LRRC4C: variants seen among roughly 807,000 people sequenced by gnomAD.
LRRC4C encodes the protein leucine-rich repeat-containing protein 4C.
LRRC4C carries 5 observed loss-of-function variants against 33.6 expected under a neutral mutation model. That is an observed-to-expected ratio of 0.15 (90% CI 0.08 to 0.31). The LOEUF is 0.31. LRRC4C is among the 10% of genes least tolerant of loss of function. The probability of loss-of-function intolerance (pLI) is 1.00; values close to 1 mark genes in which losing one functional copy is unlikely to be tolerated. For synonymous variants in LRRC4C, 329 were observed against 302.0 expected (o/e 1.09, Z -0.93); for missense variants, 560 against 796.7 (o/e 0.70, Z 3.58).
chr11:41,171,165 A>T (rs1944960532), intron 1 of LRRC4C, among the ~76,000 whole-genome samples: 1 of 152,168 alleles, frequency 6.6e-6, no homozygotes, highest in South Asian at 2.1e-4. Context: ...GGGACTGTAA[A>T]CTAGTTCAAC....
intron 4 of LRRC4C, among the ~76,000 whole-genome samples, chr11:40,280,022 T>A (rs1268697216): frequency 1.3e-5 from 2 of 152,190 alleles, no homozygotes; most frequent in Non-Finnish European, 2.9e-5. Context: ...TATCTGTGCA[T>A]ATTTGCAGGG....
rs1432152135 is a variant in LRRC4C at position 41,341,185 on chromosome 11, A to ATCCCACTCTGGATG, written c.-496+118245_-496+118246insCATCCAGAGTGGGA. On this transcript the variant is annotated intron_variant, in intron 1 of 6. Transcript: ENST00000528697. ...GTTAGGTGAGGATGTTACTTAAGAAAACAAGTACCAGAGAAAAAGACTGAT... is the reference window on the plus strand; with the variant it reads ...GTTAGGTGAGGATGTTACTTAAGAAATCCCACTCTGGATGACAAGTACCAGAGAAAAAGACTGAT... Among the ~76,000 whole-genome samples the ATCCCACTCTGGATG allele has an allele frequency of 1.5e-3, 234 of 151,996 alleles. 6 individuals are homozygous for ATCCCACTCTGGATG. Among genetic ancestry groups the ATCCCACTCTGGATG allele is most frequent in the Non-Finnish European group, 4.7e-4 (32 of 67,980 alleles).
At chr11:40,824,514 C>A (rs1457627097) in intron 2 of LRRC4C, among the ~76,000 whole-genome samples, 1 of 151,868 alleles carries the variant, frequency 6.6e-6, no homozygotes, top group South Asian at 2.1e-4. Context: ...TCTGGATTCA[C>A]GTTTCCACTA....
At chr11:40,961,427 A>T (rs1850971434) in intron 1 of LRRC4C, among the ~76,000 whole-genome samples, 1 of 151,724 alleles carries the variant, frequency 6.6e-6, no homozygotes, top group Non-Finnish European at 1.5e-5. Flanking sequence ...TAGGCTTCAG[A>T]GTCCCTGAAA....
At position 40,500,289 on chromosome 11, in the gene LRRC4C, TATATACACACACACACACAC is replaced by T. The variant is rs1167374425; in HGVS notation, c.-270+147833_-270+147852del. 2.3e-4 allele frequency among the ~76,000 whole-genome samples: 19 copies of T among 83,624 alleles called. 2 individuals are homozygous for T. Among genetic ancestry groups the T allele is most frequent in the African/African-American group, 8.0e-4 (17 of 21,282 alleles). The allele number at this position is 83,624 out of a possible 152,430, so 54.9% of individuals were successfully genotyped here. On this transcript the variant is annotated intron_variant, in intron 3 of 6. Transcript: ENST00000528697. ...AATGTCTGATATATATATATATATA[TATATACACACACACACACAC>T]ACACACACACACACACACACACACA...
intron 3 of LRRC4C, among the ~76,000 whole-genome samples, chr11:40,476,342 CTTTTTTTTTT>C (rs71308392): frequency 1.2e-5 from 1 of 81,370 alleles, no homozygotes; most frequent in Non-Finnish European, 2.5e-5. Flanking sequence ...TTTTTTTCTT[CTTTTTTTTTT>C]TTTTTTTTTT....
At chr11:40,194,815 A>G (rs1251044547) in intron 5 of LRRC4C, among the ~76,000 whole-genome samples, 1 of 152,144 alleles carries the variant, frequency 6.6e-6, no homozygotes, top group Non-Finnish European at 1.5e-5. Flanking sequence ...GCGGCCGGGC[A>G]TGGTGGCTTA....
intron 1 of LRRC4C, among the ~76,000 whole-genome samples, chr11:41,189,229 C>T (rs1330194873): frequency 2.6e-5 from 4 of 152,074 alleles, no homozygotes; most frequent in African/African-American, 9.7e-5. Flanking sequence ...TGAAAATAAT[C>T]ATTGAACATG....
At chr11:40,297,287 T>C (rs945377976) in intron 4 of LRRC4C, among the ~76,000 whole-genome samples, 1 of 152,208 alleles carries the variant, frequency 6.6e-6, no homozygotes, top group African/African-American at 2.4e-5. Context: ...AAATATTCTC[T>C]TTTCACTTCC....
intron 3 of LRRC4C, among the ~76,000 whole-genome samples, chr11:40,628,197 G>C (rs1304996438): frequency 1.3e-5 from 2 of 152,190 alleles, no homozygotes; most frequent in Non-Finnish European, 2.9e-5. Context: ...TAATTCATCG[G>C]CCGGGCGCGG....
chr11:40,234,182 G>GA (rs1565167253), intron 5 of LRRC4C, among the ~76,000 whole-genome samples: 1 of 152,026 alleles, frequency 6.6e-6, no homozygotes, highest in Non-Finnish European at 1.5e-5. Context: ...TTTAACCAAA[G>GA]TTTTTTTTGT....
At chr11:40,695,219 G>T (rs1788697960) in intron 2 of LRRC4C, among the ~76,000 whole-genome samples, 1 of 152,174 alleles carries the variant, frequency 6.6e-6, no homozygotes, top group South Asian at 2.1e-4. Context: ...ATGAAGGGAG[G>T]AAATTTTGTA....
chr11:40,900,041 T>C (rs986851993), intron 2 of LRRC4C, among the ~76,000 whole-genome samples: 1 of 152,158 alleles, frequency 6.6e-6, no homozygotes, highest in Admixed American at 6.5e-5. Flanking sequence ...AAATTATTAC[T>C]ATTGTGGATA....
chr11:40,911,733 C>T (rs905567998), intron 2 of LRRC4C, among the ~76,000 whole-genome samples: 17 of 151,906 alleles, frequency 1.1e-4, no homozygotes, highest in South Asian at 2.1e-4. Context: ...AGGCTTCAGA[C>T]GATCAAACTA....
At chr11:40,912,477 T>G (rs937302321) in intron 2 of LRRC4C, among the ~76,000 whole-genome samples, 3 of 152,098 alleles carry the variant, frequency 2.0e-5, no homozygotes, top group African/African-American at 7.2e-5. Flanking sequence ...AATAAAATCC[T>G]TTACAGACAA....
intron 1 of LRRC4C, among the ~76,000 whole-genome samples, chr11:41,292,682 T>A (rs1455686558): frequency 6.6e-6 from 1 of 152,158 alleles, no homozygotes; most frequent in Non-Finnish European, 1.5e-5. Context: ...TACTATCCAA[T>A]CTTAAGGATT....
At chr11:40,572,411 A>G (rs776518117) in intron 3 of LRRC4C, among the ~76,000 whole-genome samples, 4 of 152,204 alleles carry the variant, frequency 2.6e-5, no homozygotes, top group Non-Finnish European at 5.9e-5. Context: ...GGTATGTTCC[A>G]ACAGGTGGAA....
chr11:40,460,155 T>C (rs1392580065), intron 3 of LRRC4C, among the ~76,000 whole-genome samples: 1 of 152,140 alleles, frequency 6.6e-6, no homozygotes, highest in Non-Finnish European at 1.5e-5. Context: ...GGGGTCTCAC[T>C]GGTACCAACT....
intron 1 of LRRC4C, among the ~76,000 whole-genome samples, chr11:41,365,579 C>A (rs907914793): frequency 1.4e-4 from 22 of 152,028 alleles, no homozygotes; most frequent in African/African-American, 5.3e-4. Context: ...TATGAAATAG[C>A]ATTTTATAAG....
Sources: gnomAD v4.1 joint callset for allele counts (sites outside exome capture counted in the v4.1 genomes callset) on GRCh38, gnomAD v4.1.1 for gene constraint, MANE v1.5 for transcripts, NCBI Gene and HGNC (gene_info 2026-07-23, HGNC 2026-07-21) for gene names.